Variants in MELK observed in about 807,000 individuals in gnomAD.
MELK encodes the protein pEg3 kinase.
A neutral mutation model predicts 85.0 loss-of-function variants in MELK; 81 were observed. That is an observed-to-expected ratio of 0.95 (90% CI 0.80 to 1.15). The LOEUF is 1.15. MELK is among the 50% of genes most tolerant of loss of function. MELK has a pLI of 0.00. For missense variants in MELK, 754 were observed against 777.5 expected, an observed-to-expected ratio of 0.97 and a Z score of 0.36; for synonymous variants, 252 against 265.0, an observed-to-expected ratio of 0.95 and a Z score of 0.48.
chr9:36,574,776 T>C (rs1821474905), intron 1 of MELK, among the ~76,000 whole-genome samples: 1 of 152,204 alleles, frequency 6.6e-6, no homozygotes, highest in South Asian at 2.1e-4. Flanking sequence ...TTTGTTGCTA[T>C]CCTTTAAAAT....
rs143792238 is a variant in MELK at position 36,676,554 on chromosome 9, C to T, written c.1779-606C>T. ...ATGCGGCAGTTCTATCTATAAATGCCGTACGTTTCAGTTATGGGAATATAC... is the reference window on the plus strand; with the variant it reads ...ATGCGGCAGTTCTATCTATAAATGCTGTACGTTTCAGTTATGGGAATATAC... On this transcript the variant is annotated intron_variant, in intron 17 of 17. Transcript: ENST00000298048. Among the ~76,000 whole-genome samples, 489 of 152,176 alleles carry T rather than the reference C, an allele frequency of 3.2e-3. 3 individuals carry two copies. The highest frequency in any genetic ancestry group is 0.02 in the Middle Eastern group (6 of 294).
At chr9:36,636,625 T>C (rs1251530980) in intron 10 of MELK, among the ~76,000 whole-genome samples, 2 of 152,214 alleles carry the variant, frequency 1.3e-5, no homozygotes, top group African/African-American at 2.4e-5. Context: ...TACAGTCATC[T>C]TGTAACTGGG....
chr9:36,656,251 C>T (rs1040684425), intron 12 of MELK, among the ~76,000 whole-genome samples: 2 of 152,144 alleles, frequency 1.3e-5, no homozygotes, highest in Non-Finnish European at 2.9e-5. Context: ...ACCTATATTT[C>T]GAAGTTGTTT....
chr9:36,622,256 G>T (rs991551024), intron 8 of MELK, among the ~76,000 whole-genome samples: 1 of 152,070 alleles, frequency 6.6e-6, no homozygotes, highest in Non-Finnish European at 1.5e-5. Context: ...CAGAACTATT[G>T]TTCCGAGTCG....
At chr9:36,613,092 T>C (rs922078449) in intron 8 of MELK, among the ~76,000 whole-genome samples, 1 of 152,168 alleles carries the variant, frequency 6.6e-6, no homozygotes, top group African/African-American at 2.4e-5. Context: ...CCTGCCTCAC[T>C]TGTGCCACCC....
intron 8 of MELK, among the ~76,000 whole-genome samples, chr9:36,611,509 T>A (rs1455714340): frequency 6.6e-6 from 1 of 152,156 alleles, no homozygotes; most frequent in African/African-American, 2.4e-5. Flanking sequence ...TTGCTTGGGG[T>A]GCTTTAAAGA....
rs573289514 is a variant in MELK, at chr9:36,662,578, A to G, written c.1177-2772A>G. Among the ~76,000 whole-genome samples the G allele has an allele frequency of 2.0e-5, 3 of 152,324 alleles. No individual in the cohort carries two copies. The South Asian group carries it at 6.2e-4, about 32-fold the overall frequency. On this transcript the variant is annotated intron_variant, in intron 13 of 17. Transcript: ENST00000298048. Reference sequence around the variant, plus strand: ...TATGTTTAATTTCCTTCTAAACAATATGAAGGCCTTAGAACACTTAATCTC... The same window carrying G: ...TATGTTTAATTTCCTTCTAAACAATGTGAAGGCCTTAGAACACTTAATCTC...
chr9:36,600,123 T>C (rs1339622306), intron 7 of MELK, among the ~76,000 whole-genome samples: 1 of 151,716 alleles, frequency 6.6e-6, no homozygotes, highest in Non-Finnish European at 1.5e-5. Flanking sequence ...AGACGGAGTC[T>C]CACTCTGTCA....
chr9:36,616,219 C>G (rs1235312859), intron 8 of MELK, among the ~76,000 whole-genome samples: 1 of 152,062 alleles, frequency 6.6e-6, no homozygotes, highest in African/African-American at 2.4e-5. Context: ...TCTATGAATT[C>G]TAACACATAT....
At chr9:36,623,548 G>C (rs531760555) in intron 8 of MELK, among the ~76,000 whole-genome samples, 2 of 152,314 alleles carry the variant, frequency 1.3e-5, no homozygotes, top group African/African-American at 2.4e-5. Flanking sequence ...CCCAAATAGG[G>C]GAATTGGATG....
intron 1 of MELK, among the ~76,000 whole-genome samples, chr9:36,577,360 A>G (rs555542862): frequency 4.7e-4 from 71 of 152,238 alleles, no homozygotes; most frequent in South Asian, 3.7e-3. Flanking sequence ...TAAAAATACA[A>G]AAATTAGCCG....
rs140031371 is a variant in MELK, at chr9:36,674,203, A to G, written c.1675-631A>G. Among the ~76,000 whole-genome samples, 17 of 152,360 alleles carry G rather than the reference A, an allele frequency of 1.1e-4. No homozygotes were observed. In the East Asian group the frequency reaches 2.3e-3, roughly 21 times the overall value. ...AAACAGTGCCTACCACATAGTAAAC[A>G]TTCAAAAGTAGTTGTTGAATGAATG... On this transcript the variant is annotated intron_variant, in intron 16 of 17. Coordinates refer to ENST00000298048, the MANE Select transcript of MELK (RefSeq NM_014791.4).
chr9:36,669,231 C>G (rs3780133), intron 14 of MELK, 79 bp from the exon 15 acceptor site: 1 of 877,622 alleles, frequency 1.1e-6, no homozygotes, highest in East Asian at 2.7e-5. Context: ...AATGTGATAC[C>G]TGCATTATTA....
intron 8 of MELK, among the ~76,000 whole-genome samples, chr9:36,612,361 C>T (rs536576381): frequency 1.3e-4 from 19 of 151,914 alleles, no homozygotes; most frequent in Admixed American, 1.2e-3. Context: ...TTCCAAAATG[C>T]TGGGATTACA....
chr9:36,666,426 G>C (rs181215661), intron 14 of MELK, among the ~76,000 whole-genome samples: 1 of 152,252 alleles, frequency 6.6e-6, no homozygotes, highest in Admixed American at 6.5e-5. Context: ...TACTAGACCT[G>C]ATGCCTAGTA....
intron 13 of MELK, among the ~76,000 whole-genome samples, chr9:36,659,857 T>C: frequency 6.6e-6 from 1 of 152,248 alleles, no homozygotes; most frequent in Non-Finnish European, 1.5e-5. Flanking sequence ...TGGAGTGCAA[T>C]GGCACGATCT....
At chr9:36,636,806 G>GTCTGTGTGTCTT (rs1307055019) in intron 10 of MELK, among the ~76,000 whole-genome samples, 2 of 112,178 alleles carry the variant, frequency 1.8e-5, no homozygotes, top group African/African-American at 7.4e-5. Context: ...CTTTCTTTCT[G>GTCTGTGTGTCTT]TCTTTCTTTC....
Position 36,663,190 on chromosome 9 carries a change from C to T in MELK, c.1177-2160C>T, listed in dbSNP as rs1436765877. On this transcript the variant is annotated intron_variant, in intron 13 of 17. Transcript: ENST00000298048. Reference sequence around the variant, plus strand: ...CTGCTTCCCAGGTTCAAGCGATTTTCCTACCTCAGCCTCCCGAGTAGCTGG... The same window carrying T: ...CTGCTTCCCAGGTTCAAGCGATTTTTCTACCTCAGCCTCCCGAGTAGCTGG... Among the ~76,000 whole-genome samples, 6 of 151,884 alleles carry T rather than the reference C, an allele frequency of 4.0e-5. No individual in the cohort carries two copies. In the East Asian group the frequency reaches 1.2e-3, roughly 29 times the overall value.
At chr9:36,575,102 C>T (rs1215802135) in intron 1 of MELK, among the ~76,000 whole-genome samples, 2 of 152,208 alleles carry the variant, frequency 1.3e-5, no homozygotes, top group Non-Finnish European at 2.9e-5. Context: ...CACTGCACTC[C>T]AGCCTGGGCA....
Sources: allele counts gnomAD v4.1 joint callset (sites outside exome capture counted in the v4.1 genomes callset), GRCh38; gene constraint gnomAD v4.1.1; transcripts MANE v1.5; gene names NCBI Gene and HGNC (gene_info 2026-07-23, HGNC 2026-07-21).